RCOR3: variants seen among roughly 807,000 people sequenced by gnomAD.
RCOR3 encodes the protein REST corepressor 3.
A neutral mutation model predicts 64.1 loss-of-function variants in RCOR3; 13 were observed. That is an observed-to-expected ratio of 0.20 (90% CI 0.13 to 0.32). The LOEUF (loss-of-function observed/expected upper bound fraction) is 0.32. Ranked by LOEUF, RCOR3 falls within the 10% of genes least tolerant of loss-of-function variation. The pLI, the probability that RCOR3 is intolerant of heterozygous loss-of-function variation, is 1.00. For synonymous variants in RCOR3, 215 were observed against 239.0 expected (o/e 0.90, Z 0.93); for missense variants, 489 against 701.2 (o/e 0.70, Z 3.42).
intron 9 of RCOR3, chr1:211,301,714 C>T (rs778540582): frequency 2.0e-5 from 3 of 152,058 alleles, no homozygotes; most frequent in Admixed American, 6.5e-5. Flanking sequence ...CTTTTTCTCC[C>T]GTCTTGAAAT....
At chr1:211,274,296 TC>T in intron 4 of RCOR3, 34 bp downstream of exon 4, 1 of 1,418,232 alleles carries the variant, frequency 7.1e-7, no homozygotes, top group South Asian at 1.2e-5. Flanking sequence ...GTAAGGCTTG[TC>T]CCAATATTTA....
At chr1:211,308,832 C>T (rs1701200638) in intron 10 of RCOR3, among the ~76,000 whole-genome samples, 1 of 151,224 alleles carries the variant, frequency 6.6e-6, no homozygotes, top group African/African-American at 2.4e-5. Context: ...GTGCCTCATC[C>T]TCCTGAATAG....
intron 9 of RCOR3, among the ~76,000 whole-genome samples, chr1:211,297,627 G>T (rs1320987591): frequency 6.6e-6 from 1 of 152,046 alleles, no homozygotes; most frequent in Admixed American, 6.5e-5. Context: ...TAACCAAAAT[G>T]TTAACACTCC....
chr1:211,284,592 T>G (rs139691248), intron 7 of RCOR3, among the ~76,000 whole-genome samples: 1 of 152,254 alleles, frequency 6.6e-6, no homozygotes, highest in East Asian at 1.9e-4. Flanking sequence ...GACACAATCA[T>G]AGCTCACTTC....
chr1:211,262,108 G>T (rs1304357297), intron 2 of RCOR3, among the ~76,000 whole-genome samples: 1 of 115,980 alleles, frequency 8.6e-6, no homozygotes, highest in Non-Finnish European at 1.6e-5. Flanking sequence ...CGTAATCTCG[G>T]CTCACTGCAA....
rs747845480 is a variant in RCOR3, at chr1:211,313,726, A to C, written c.1620A>C (p.Ser540=). ...LSTVGGQQPP[S]LIGIQTDSQS... ...CGGTTGGTGGTCAACAGCCACCATC[A>C]CTTATTGGAATTCAGACAGATTCAC... Residue 540 remains serine (S), a synonymous_variant, in exon 12 of 12, where the codon TCA becomes TCC. Transcript: ENST00000419091. This position sits in a 1 kb window ranked among gnomAD's most constrained non-coding sequence, Gnocchi z 4.7. 1.2e-6 allele frequency: 2 copies of C among 1,614,212 alleles called. No individual in the cohort carries two copies. Among genetic ancestry groups the C allele is most frequent in the Non-Finnish European group, 1.7e-6 (2 of 1,180,034 alleles).
At chr1:211,287,936 G>A (rs955281652) in intron 7 of RCOR3, among the ~76,000 whole-genome samples, 1 of 151,964 alleles carries the variant, frequency 6.6e-6, no homozygotes, top group Admixed American at 6.6e-5. Flanking sequence ...TAGGCCGGGC[G>A]TGTTGGCTCA....
intron 8 of RCOR3, among the ~76,000 whole-genome samples, chr1:211,293,007 C>G (rs1699412270): frequency 6.6e-6 from 1 of 151,964 alleles, no homozygotes; most frequent in South Asian, 2.1e-4. Flanking sequence ...TAGCTTGAAT[C>G]CGGGCTGCAG....
Position 211,296,130 on chromosome 1 carries a change from T to C in RCOR3, c.1017+377T>C, listed in dbSNP as rs1453426934. On this transcript the variant is annotated intron_variant, in intron 9 of 11. Coordinates refer to ENST00000419091, the MANE Select transcript of RCOR3 (RefSeq NM_001136223.3). ...AATTGGTAACACGGCAAGAAAAATA[T>C]CATGAAAACAAGCTAGATTATTTTA... is the stretch of plus-strand genomic sequence containing the variant. Among the ~76,000 whole-genome samples, 11 of 152,288 alleles carry C rather than the reference T, an allele frequency of 7.2e-5. 1 individual carries two copies. The highest frequency in any genetic ancestry group is 2.6e-4 in the African/African-American group (11 of 41,572).
intron 2 of RCOR3, among the ~76,000 whole-genome samples, 200 bp downstream of exon 2, chr1:211,260,364 T>A (rs1468282639): frequency 6.6e-6 from 1 of 152,186 alleles, no homozygotes; most frequent in East Asian, 1.9e-4. Flanking sequence ...AAGGTTAACA[T>A]GGTTCCCTTC....
chr1:211,287,970 G>C (rs1183418758), intron 7 of RCOR3, among the ~76,000 whole-genome samples: 1 of 152,078 alleles, frequency 6.6e-6, no homozygotes, highest in African/African-American at 2.4e-5. Context: ...AGCACTTTGA[G>C]AGCCCAAGGT....
intron 9 of RCOR3, among the ~76,000 whole-genome samples, chr1:211,296,466 A>C: frequency 6.6e-6 from 1 of 152,104 alleles, no homozygotes; most frequent in East Asian, 1.9e-4. Context: ...ATAATCAAAT[A>C]ATCTTATTTG....
At chr1:211,290,332 C>T (rs1043750023) in intron 8 of RCOR3, among the ~76,000 whole-genome samples, 1 of 152,122 alleles carries the variant, frequency 6.6e-6, no homozygotes, top group East Asian at 1.9e-4. Flanking sequence ...TCTGTTGAAA[C>T]ATCAGAATCA....
At chr1:211,294,620 CGCTG>C (rs1699648760) in intron 8 of RCOR3, among the ~76,000 whole-genome samples, 2 of 124,810 alleles carry the variant, frequency 1.6e-5, no homozygotes, top group African/African-American at 6.3e-5. Flanking sequence ...GACGGAGTCT[CGCTG>C]TGTCGCCCAG....
chr1:211,274,255 T>A lies in RCOR3; in HGVS notation c.347T>A (p.Val116Glu). ...AIAKEKHGYNVEQALGMLFWH... is the reference protein window; with the variant it reads ...AIAKEKHGYNEEQALGMLFWH... Reference sequence around the variant, plus strand: ...GCAAAGGAAAAGCATGGCTACAATGTGGAACAGGTATGTAGAGAAACACTT... The same window carrying A: ...GCAAAGGAAAAGCATGGCTACAATGAGGAACAGGTATGTAGAGAAACACTT... Residue 116 changes from valine (V) to glutamate (E), a missense_variant, in exon 4 of 12, where the codon GTG becomes GAG. By Grantham distance (121) the Val-to-Glu change is moderately radical (BLOSUM62 -2). Transcript: ENST00000419091. The A allele has an allele frequency of 6.2e-7, 1 of 1,600,994 alleles. No individual in the cohort carries two copies. The highest frequency in any genetic ancestry group is 8.6e-7 in the Non-Finnish European group (1 of 1,168,740).
At chr1:211,272,750 T>TC (rs1696410466) in intron 3 of RCOR3, among the ~76,000 whole-genome samples, 1 of 143,008 alleles carries the variant, frequency 7.0e-6, no homozygotes, top group Non-Finnish European at 1.5e-5. Flanking sequence ...GCCTCCCAAG[T>TC]AGCTGGGACT....
At chr1:211,269,709 C>T (rs1201488283) in intron 2 of RCOR3, among the ~76,000 whole-genome samples, 2 of 152,176 alleles carry the variant, frequency 1.3e-5, no homozygotes, top group Non-Finnish European at 2.9e-5. Context: ...ATAATAGAAT[C>T]TACAGGCACG....
intron 5 of RCOR3, among the ~76,000 whole-genome samples, chr1:211,276,800 A>G (rs1232215984): frequency 3.3e-5 from 5 of 152,256 alleles, no homozygotes; most frequent in South Asian, 2.1e-4. Flanking sequence ...AAAAAATCCC[A>G]TATTAGGCCG....
chr1:211,269,279 C>T (rs1695757168), intron 2 of RCOR3, among the ~76,000 whole-genome samples: 2 of 151,960 alleles, frequency 1.3e-5, no homozygotes, highest in Admixed American at 1.3e-4. Flanking sequence ...GCCTGACCAA[C>T]ATGGAGAAAC....
Sources: gnomAD v4.1 joint callset for allele counts (sites outside exome capture counted in the v4.1 genomes callset) on GRCh38, gnomAD v4.1.1 for gene constraint, Gnocchi (gnomAD v3.1) non-coding constraint, MANE v1.5 for transcripts, NCBI Gene and HGNC (gene_info 2026-07-23, HGNC 2026-07-21) for gene names.